AUH: variants seen among roughly 807,000 people sequenced by gnomAD.
The protein encoded by AUH is methylglutaconyl-CoA hydratase, mitochondrial.
Under a neutral mutation model 42.3 loss-of-function variants are expected in AUH, and 29 were observed. That is an observed-to-expected ratio of 0.69 (90% confidence interval 0.51 to 0.93). The LOEUF is 0.93. AUH is among the 40% of genes least tolerant of loss of function. The probability of loss-of-function intolerance (pLI) is 0.00; values close to 1 mark genes in which losing one functional copy is unlikely to be tolerated. For missense variants in AUH, 452 were observed against 438.1 expected (o/e 1.03, Z -0.28); for synonymous variants, 174 against 166.4 (o/e 1.05, Z -0.35).
At chr9:91,215,923 C>G in intron 9 of AUH, 136 bp downstream of exon 9, 1 of 891,122 alleles carries the variant, frequency 1.1e-6, no homozygotes, top group Middle Eastern at 3.1e-4. Context: ...GCAGAAACAA[C>G]TAATTTCAAC....
At chr9:91,356,237 G>T in intron 1 of AUH, 82 bp from the exon 2 acceptor site, 1 of 1,108,704 alleles carries the variant, frequency 9.0e-7, no homozygotes, top group Non-Finnish European at 1.4e-6. Flanking sequence ...CATCTAGCTA[G>T]CTTCGAACTT....
intron 3 of AUH, among the ~76,000 whole-genome samples, chr9:91,343,573 G>A (rs1159654537): frequency 6.6e-6 from 1 of 152,178 alleles, no homozygotes; most frequent in Non-Finnish European, 1.5e-5. Context: ...AGACCAGCCT[G>A]GCCAACATGG....
intron 1 of AUH, 71 bp downstream of exon 1, chr9:91,361,557 T>C: frequency 6.5e-7 from 1 of 1,534,222 alleles, no homozygotes; most frequent in Non-Finnish European, 8.8e-7. Flanking sequence ...CGGCGGACGC[T>C]GCACCTTATG....
At chr9:91,221,924 AC>A (rs1249312910) in intron 6 of AUH, among the ~76,000 whole-genome samples, 1 of 152,206 alleles carries the variant, frequency 6.6e-6, no homozygotes, top group East Asian at 1.9e-4. Context: ...CTCAATGTCT[AC>A]CAAGAAGAAA....
chr9:91,340,087 G>A (rs1253316232), intron 3 of AUH, among the ~76,000 whole-genome samples: 1 of 152,164 alleles, frequency 6.6e-6, no homozygotes, highest in Non-Finnish European at 1.5e-5. Flanking sequence ...AAAACAACCA[G>A]GGAGCTATGA....
intron 6 of AUH, among the ~76,000 whole-genome samples, chr9:91,281,359 A>G (rs1825951043): frequency 6.6e-6 from 1 of 151,966 alleles, no homozygotes; most frequent in Non-Finnish European, 1.5e-5. Context: ...TAATCCTAAG[A>G]TTTTTATTTG....
At chr9:91,220,017 A>T (rs1390948563) in intron 7 of AUH, among the ~76,000 whole-genome samples, 2 of 152,252 alleles carry the variant, frequency 1.3e-5, no homozygotes, top group Admixed American at 1.3e-4. Context: ...TTCAAACTCC[A>T]CTAGGAATAA....
intron 6 of AUH, among the ~76,000 whole-genome samples, chr9:91,246,700 G>A (rs980658753): frequency 1.3e-5 from 2 of 152,242 alleles, no homozygotes; most frequent in Non-Finnish European, 2.9e-5. Flanking sequence ...TTGTTTAAAG[G>A]TGGTATATGC....
chr9:91,214,817 G>A (rs1826728754), intron 9 of AUH, among the ~76,000 whole-genome samples: 1 of 152,134 alleles, frequency 6.6e-6, no homozygotes, highest in Non-Finnish European at 1.5e-5. Context: ...TTATTTAGAA[G>A]GATGTTGTTT....
Position 91,220,735 on chromosome 9 carries a change from T to C in AUH, c.843+70A>G. 1.9e-6 allele frequency: 3 copies of C among 1,555,040 alleles called. No individual in the cohort carries two copies. In the East Asian group the frequency reaches 6.7e-5, roughly 35 times the overall value. On this transcript the variant is annotated intron_variant, in intron 7 of 9. Transcript: ENST00000375731. ...GGACTTCTTCCATAGGCAAGATGAC[T>C]GCTGTTTTAGTCAAAGTGTTATAAT...
intron 6 of AUH, among the ~76,000 whole-genome samples, chr9:91,285,842 T>C (rs1727259630): frequency 6.6e-6 from 1 of 152,202 alleles, no homozygotes; most frequent in South Asian, 2.1e-4. Flanking sequence ...AATGTTAATA[T>C]GTTAATAAAT....
intron 3 of AUH, among the ~76,000 whole-genome samples, chr9:91,335,165 G>C (rs1830606557): frequency 6.6e-6 from 1 of 152,146 alleles, no homozygotes; most frequent in Non-Finnish European, 1.5e-5. Flanking sequence ...TGAATGCTTA[G>C]GTGTAAATGT....
intron 3 of AUH, among the ~76,000 whole-genome samples, chr9:91,339,419 G>A (rs1028912505): frequency 6.6e-6 from 1 of 152,156 alleles, no homozygotes; most frequent in African/African-American, 2.4e-5. Flanking sequence ...GTAAGTTACA[G>A]GATTGAGCAA....
intron 3 of AUH, among the ~76,000 whole-genome samples, chr9:91,355,640 A>G (rs916228102): frequency 2.0e-5 from 3 of 152,244 alleles, no homozygotes; most frequent in African/African-American, 7.2e-5. Flanking sequence ...CAGGTACTAC[A>G]AACAAGTATT....
chr9:91,298,415 C>T (rs573292816), intron 4 of AUH, among the ~76,000 whole-genome samples: 1 of 152,182 alleles, frequency 6.6e-6, no homozygotes, highest in Non-Finnish European at 1.5e-5. Flanking sequence ...ATGTTTGGTT[C>T]ATACAAAGTT....
At chr9:91,233,907 A>C (rs1431958427) in intron 6 of AUH, among the ~76,000 whole-genome samples, 1 of 152,204 alleles carries the variant, frequency 6.6e-6, no homozygotes, top group Non-Finnish European at 1.5e-5. Flanking sequence ...TCTATTTGTC[A>C]GGGTTATTTT....
intron 6 of AUH, among the ~76,000 whole-genome samples, chr9:91,229,622 G>A (rs563566901): frequency 1.3e-3 from 195 of 151,590 alleles, no homozygotes; most frequent in African/African-American, 4.4e-3. Context: ...TATTTTGCTC[G>A]TTGGTTGATG....
intron 3 of AUH, among the ~76,000 whole-genome samples, chr9:91,333,135 C>T (rs149562262): frequency 6.6e-6 from 1 of 152,208 alleles, no homozygotes; most frequent in Non-Finnish European, 1.5e-5. Flanking sequence ...GACCTCCCAT[C>T]CTGTCATGGC....
intron 6 of AUH, among the ~76,000 whole-genome samples, chr9:91,269,968 G>C (rs1331875559): frequency 6.6e-6 from 1 of 152,204 alleles, no homozygotes; most frequent in Admixed American, 6.5e-5. Context: ...CAGAGCTAGT[G>C]TAAGAACTGT....
Sources: gnomAD v4.1 joint callset for allele counts (sites outside exome capture counted in the v4.1 genomes callset) on GRCh38, gnomAD v4.1.1 for gene constraint, MANE v1.5 for transcripts, NCBI Gene and HGNC (gene_info 2026-07-23, HGNC 2026-07-21) for gene names.